Variants in AGBL4 observed in about 807,000 individuals in gnomAD.
AGBL4 encodes AGBL carboxypeptidase 4, also known as cytosolic carboxypeptidase 6.
In AGBL4, 58 loss-of-function variants were observed where a neutral mutation model predicts 66.4. The observed-to-expected ratio is 0.87, with a 90% CI of 0.71 to 1.09. The LOEUF (loss-of-function observed/expected upper bound fraction) is 1.09. AGBL4 is among the 50% of genes least tolerant of loss of function. The pLI is 0.00. For missense variants in AGBL4, 579 were observed against 631.0 expected (o/e 0.92, Z 0.88); for synonymous variants, 234 against 222.9 (o/e 1.05, Z -0.44).
At chr1:49,012,292 T>G (rs1425153751) in intron 5 of AGBL4, among the ~76,000 whole-genome samples, 1 of 151,912 alleles carries the variant, frequency 6.6e-6, no homozygotes, top group Non-Finnish European at 1.5e-5. Flanking sequence ...AGGGAAAATA[T>G]AGAGACAAAG....
At chr1:48,980,718 AATATATATAT>A (rs544711494) in intron 5 of AGBL4, among the ~76,000 whole-genome samples, 36 of 92,276 alleles carry the variant, frequency 3.9e-4, no homozygotes, top group African/African-American at 6.2e-4. Flanking sequence ...GTAAAGAAGA[AATATATATAT>A]ATATATATAT....
At chr1:49,948,464 AAT>A (rs370855575) in intron 1 of AGBL4, among the ~76,000 whole-genome samples, 5 of 99,768 alleles carry the variant, frequency 5.0e-5, no homozygotes, top group Admixed American at 1.2e-4. Flanking sequence ...AATATAGATA[AAT>A]ATATAAATAT....
At chr1:49,105,083 A>G (rs1645268167) in intron 4 of AGBL4, among the ~76,000 whole-genome samples, 1 of 152,174 alleles carries the variant, frequency 6.6e-6, no homozygotes, top group Non-Finnish European at 1.5e-5. Flanking sequence ...CTCACAGCAG[A>G]CATTATGCAT....
chr1:49,729,335 A>T (rs1304964899), intron 2 of AGBL4, among the ~76,000 whole-genome samples: 1 of 152,198 alleles, frequency 6.6e-6, no homozygotes, highest in Non-Finnish European at 1.5e-5. Context: ...AAACAAGCAA[A>T]GAACAGCCTG....
intron 2 of AGBL4, among the ~76,000 whole-genome samples, chr1:49,840,897 T>C (rs1300876205): frequency 6.6e-6 from 1 of 152,106 alleles, no homozygotes; most frequent in Non-Finnish European, 1.5e-5. Context: ...GCCAACACCA[T>C]ACTGAATAGG....
chr1:49,927,325 A>G (rs1652876660), intron 1 of AGBL4, among the ~76,000 whole-genome samples: 2 of 152,194 alleles, frequency 1.3e-5, no homozygotes, highest in Non-Finnish European at 2.9e-5. Flanking sequence ...AGTAATTTAT[A>G]AAGGAAAGAG....
chr1:49,751,695 G>A (rs1292266108), intron 2 of AGBL4, among the ~76,000 whole-genome samples: 1 of 152,166 alleles, frequency 6.6e-6, no homozygotes, highest in Non-Finnish European at 1.5e-5. Flanking sequence ...ATTCGGCTGT[G>A]AATCCGTCTG....
intron 6 of AGBL4, among the ~76,000 whole-genome samples, chr1:48,779,177 C>T (rs553728664): frequency 1.7e-4 from 26 of 152,290 alleles, no homozygotes; most frequent in South Asian, 4.1e-4. Context: ...CTTGAAGCTC[C>T]GGACTATGTT....
intron 3 of AGBL4, among the ~76,000 whole-genome samples, chr1:49,607,009 T>C (rs927915772): frequency 6.6e-6 from 1 of 152,154 alleles, no homozygotes; most frequent in Non-Finnish European, 1.5e-5. Context: ...ACAAAATTTC[T>C]CAGCTTGACC....
chr1:49,358,308 C>A (rs1473165350), intron 3 of AGBL4, among the ~76,000 whole-genome samples: 1 of 152,050 alleles, frequency 6.6e-6, no homozygotes, highest in East Asian at 1.9e-4. Context: ...TTTCCAGACC[C>A]CAGACCCTAG....
chr1:48,816,970 C>G (rs1341797160), intron 6 of AGBL4, among the ~76,000 whole-genome samples: 2 of 152,072 alleles, frequency 1.3e-5, no homozygotes, highest in Non-Finnish European at 2.9e-5. Flanking sequence ...TTAACTAGAT[C>G]AACAAGTGTG....
intron 2 of AGBL4, among the ~76,000 whole-genome samples, chr1:49,748,758 C>T (rs766117388): frequency 1.3e-5 from 2 of 151,986 alleles, no homozygotes; most frequent in Non-Finnish European, 2.9e-5. Context: ...CTAATACCAT[C>T]GATGATGAGC....
intron 3 of AGBL4, among the ~76,000 whole-genome samples, chr1:49,506,425 G>A (rs1044091603): frequency 2.0e-5 from 3 of 152,056 alleles, no homozygotes; most frequent in African/African-American, 7.2e-5. Flanking sequence ...TGTTGTGGGA[G>A]GGACCCAGTG....
intron 6 of AGBL4, among the ~76,000 whole-genome samples, chr1:48,698,882 G>A (rs1413542031): frequency 6.6e-6 from 1 of 152,204 alleles, no homozygotes; most frequent in African/African-American, 2.4e-5. Flanking sequence ...AGGAAGGAGA[G>A]CAGTGTTTAA....
intron 2 of AGBL4, among the ~76,000 whole-genome samples, chr1:49,809,382 T>C (rs1349779814): frequency 6.9e-6 from 1 of 145,332 alleles, no homozygotes; most frequent in Non-Finnish European, 1.5e-5. Flanking sequence ...ATTCCCACTA[T>C]TCTTAAGAAC....
intron 3 of AGBL4, among the ~76,000 whole-genome samples, chr1:49,374,887 C>T (rs932645824): frequency 4.6e-5 from 7 of 152,124 alleles, no homozygotes; most frequent in Admixed American, 1.3e-4. Context: ...TTAAACCTAT[C>T]CAGTAGCTTC....
rs1407219283 is a variant in AGBL4, at chr1:49,785,893, A to AAAT, written c.157+65502_157+65503insATT. ...ACATGAGAAATCCCAGGAAAAAAAA[A>AAAT]ATATATATATATATATATATATATT... is the stretch of plus-strand genomic sequence containing the variant. On this transcript the variant is annotated intron_variant, in intron 2 of 13. Coordinates refer to ENST00000371839, the MANE Select transcript of AGBL4 (RefSeq NM_032785.4). Among the ~76,000 whole-genome samples the AAAT allele has an allele frequency of 3.5e-3, 490 of 140,894 alleles. 2 individuals carry two copies. The highest frequency in any genetic ancestry group is 0.011 in the African/African-American group (439 of 38,588). 92.4% of individuals were successfully genotyped at this position (140,894 alleles called of 152,430 possible).
At chr1:49,092,757 A>G (rs571453137) in intron 4 of AGBL4, among the ~76,000 whole-genome samples, 31 of 152,218 alleles carry the variant, frequency 2.0e-4, no homozygotes, top group African/African-American at 7.5e-4. Flanking sequence ...CTTAGCTCTC[A>G]GCATAGAGCT....
chr1:49,447,813 T>C (rs181769111), intron 3 of AGBL4, among the ~76,000 whole-genome samples: 2 of 152,308 alleles, frequency 1.3e-5, no homozygotes, highest in African/African-American at 4.8e-5. Flanking sequence ...TTGCCTCAGG[T>C]GTTCCCCATG....
Sources: gnomAD v4.1 joint callset for allele counts (sites outside exome capture counted in the v4.1 genomes callset) on GRCh38, gnomAD v4.1.1 for gene constraint, MANE v1.5 for transcripts, NCBI Gene and HGNC (gene_info 2026-07-23, HGNC 2026-07-21) for gene names.